Variants in TEAD4 observed in about 807,000 individuals in gnomAD.
TEAD4 encodes transcriptional enhancer factor TEF-3.
TEAD4 carries 36 observed loss-of-function variants against 52.4 expected under a neutral mutation model. That is an observed-to-expected ratio of 0.69 (90% CI 0.53 to 0.91). The LOEUF is 0.91. Among genes scored for constraint, TEAD4 ranks in the 40% least tolerant of loss-of-function variants. The pLI is 0.00. For synonymous variants in TEAD4, 220 were observed against 231.0 expected (o/e 0.95, Z 0.43); for missense variants, 508 against 583.9 (o/e 0.87, Z 1.34).
chr12:3,015,597 G>A (rs575802454), intron 5 of TEAD4, among the ~76,000 whole-genome samples: 46 of 152,358 alleles, frequency 3.0e-4, no homozygotes, highest in Middle Eastern at 6.8e-3. Context: ...CGTGTGGACC[G>A]CGTGGAGGCA....
chr12:2,995,453 G>A (rs923802271), intron 3 of TEAD4, among the ~76,000 whole-genome samples: 11 of 152,174 alleles, frequency 7.2e-5, no homozygotes, highest in African/African-American at 2.4e-4. Context: ...GTCATCTGGG[G>A]TGAGGGTAAT....
At chr12:3,024,017 C>T (rs1346451111) in intron 10 of TEAD4, among the ~76,000 whole-genome samples, 1 of 151,818 alleles carries the variant, frequency 6.6e-6, no homozygotes, top group Non-Finnish European at 1.5e-5. Flanking sequence ...CATCACTTTT[C>T]CCCCTCATCA....
At chr12:2,964,133 CAG>C (rs1455184958) in intron 2 of TEAD4, among the ~76,000 whole-genome samples, 1 of 152,204 alleles carries the variant, frequency 6.6e-6, no homozygotes, top group Non-Finnish European at 1.5e-5. Flanking sequence ...GCCGTTGACT[CAG>C]TGTGAAGCTA....
chr12:2,966,053 T>G (rs572267210), intron 2 of TEAD4, among the ~76,000 whole-genome samples: 8 of 152,108 alleles, frequency 5.3e-5, no homozygotes, highest in African/African-American at 1.9e-4. Context: ...CAAAAATATG[T>G]GGAGAGTGTG....
intron 2 of TEAD4, among the ~76,000 whole-genome samples, chr12:2,963,450 G>T (rs920645017): frequency 2.0e-5 from 3 of 152,182 alleles, no homozygotes; most frequent in African/African-American, 7.2e-5. Context: ...GTTGGCCGGG[G>T]TTGGACGACA....
intron 2 of TEAD4, 130 bp downstream of exon 2, chr12:2,960,170 C>T: frequency 2.7e-6 from 1 of 376,778 alleles, no homozygotes; most frequent in Non-Finnish European, 3.7e-6. Context: ...ACTGAGGCTG[C>T]TGGAGGCGAA....
intron 2 of TEAD4, among the ~76,000 whole-genome samples, chr12:2,961,671 G>C (rs1178156912): frequency 2.6e-5 from 4 of 152,062 alleles, no homozygotes; most frequent in African/African-American, 7.2e-5. Context: ...GTGAAAAGTC[G>C]ATGTCTGCAG....
At chr12:2,980,982 C>T (rs1423697382) in intron 2 of TEAD4, among the ~76,000 whole-genome samples, 1 of 152,144 alleles carries the variant, frequency 6.6e-6, no homozygotes, top group East Asian at 1.9e-4. Flanking sequence ...CAGCACTTCA[C>T]CTTAGGAGCC....
At chr12:3,004,145 GT>G (rs2098253949) in intron 3 of TEAD4, among the ~76,000 whole-genome samples, 1 of 152,250 alleles carries the variant, frequency 6.6e-6, no homozygotes, top group Admixed American at 6.5e-5. Context: ...TCAGGTCCAA[GT>G]AGTTGGATCT....
chr12:3,037,525 T>G (rs1004270983), intron 10 of TEAD4, among the ~76,000 whole-genome samples: 5 of 152,228 alleles, frequency 3.3e-5, no homozygotes, highest in Non-Finnish European at 7.3e-5. Flanking sequence ...CCTGGTTTTC[T>G]GTTCTCATGC....
At chr12:3,004,967 A>G (rs11608391) in intron 3 of TEAD4, among the ~76,000 whole-genome samples, 10,900 of 152,268 alleles carry the variant, frequency 0.072, 440 homozygotes, top group Non-Finnish European at 0.093. Context: ...AACTGCCGGC[A>G]TCACCCCTGA....
intron 2 of TEAD4, chr12:2,960,441 C>T (rs2098214375): frequency 4.6e-6 from 4 of 861,698 alleles, no homozygotes; most frequent in African/African-American, 1.8e-5. Context: ...GCTTGGGAAG[C>T]TGCTGTGTTT....
rs751599754 is a variant in TEAD4 at position 3,017,463 on chromosome 12, C to T, written c.420C>T (p.Ser140=). 135 of 1,614,060 alleles carry T rather than the reference C, an allele frequency of 8.4e-5. 1 individual carries two copies. Among genetic ancestry groups the T allele is most frequent in the South Asian group, 5.5e-4 (50 of 91,086 alleles). ...CCATGTCGTCTGCACAGATCATCTCCGCCACGGCCTTCCACAGTAGCATGG... is the reference window on the plus strand; with the variant it reads ...CCATGTCGTCTGCACAGATCATCTCTGCCACGGCCTTCCACAGTAGCATGG... The change falls in exon 6 of 13, where the codon TCC becomes TCT. Residue 140 remains serine, a synonymous_variant. Transcript: ENST00000359864.
chr12:2,975,462 C>G (rs1007940633), intron 2 of TEAD4, among the ~76,000 whole-genome samples: 5 of 151,136 alleles, frequency 3.3e-5, no homozygotes, highest in Admixed American at 2.0e-4. Flanking sequence ...GATCTCGGCT[C>G]ATGGCAACCT....
intron 4 of TEAD4, among the ~76,000 whole-genome samples, chr12:3,011,377 C>G (rs2098260204): frequency 6.6e-6 from 1 of 151,798 alleles, no homozygotes; most frequent in Non-Finnish European, 1.5e-5. Context: ...GTTATAGTCA[C>G]CCGCCACAAT....
intron 3 of TEAD4, among the ~76,000 whole-genome samples, chr12:2,998,525 G>A (rs577948817): frequency 1.7e-3 from 256 of 151,660 alleles, no homozygotes; most frequent in Middle Eastern, 3.4e-3. Context: ...GAGGGGCATG[G>A]GATGGGGACG....
At chr12:3,024,474 T>C (rs1212861067) in intron 10 of TEAD4, among the ~76,000 whole-genome samples, 1 of 152,156 alleles carries the variant, frequency 6.6e-6, no homozygotes, top group African/African-American at 2.4e-5. Context: ...AAGACCAGCC[T>C]GGGCAACATG....
intron 10 of TEAD4, among the ~76,000 whole-genome samples, chr12:3,029,797 G>A (rs1334142569): frequency 6.6e-6 from 1 of 152,216 alleles, no homozygotes; most frequent in African/African-American, 2.4e-5. Context: ...TAGTGACTGG[G>A]AGCTCTTCGT....
chr12:3,021,226 C>T (rs1002881685), intron 9 of TEAD4, among the ~76,000 whole-genome samples: 3 of 152,114 alleles, frequency 2.0e-5, no homozygotes, highest in African/African-American at 7.2e-5. Flanking sequence ...CCAGCGTCAC[C>T]TGCAAAGGTC....
Sources: allele counts gnomAD v4.1 joint callset (sites outside exome capture counted in the v4.1 genomes callset), GRCh38; gene constraint gnomAD v4.1.1; transcripts MANE v1.5; gene names NCBI Gene and HGNC (gene_info 2026-07-23, HGNC 2026-07-21).